The following ASIC2 variants were observed in gnomAD, a reference collection of about 807,000 sequenced individuals.
ASIC2 encodes the protein acid sensing ion channel subunit 2, also known as acid-sensing ion channel 2.
ASIC2 carries 25 observed loss-of-function variants against 57.3 expected under a neutral mutation model. That is an observed-to-expected ratio of 0.44 (90% CI 0.32 to 0.61). The LOEUF (loss-of-function observed/expected upper bound fraction) is 0.61. Among genes scored for constraint, ASIC2 ranks in the 20% least tolerant of loss-of-function variants. The pLI, the probability that ASIC2 is intolerant of heterozygous loss-of-function variation, is 0.06. For missense variants in ASIC2, 641 were observed against 738.1 expected (o/e 0.87, Z 1.52); for synonymous variants, 319 against 307.5 (o/e 1.04, Z -0.39).
intron 1 of ASIC2, among the ~76,000 whole-genome samples, chr17:33,143,091 G>A (rs78223537): frequency 1.3e-5 from 2 of 152,232 alleles, no homozygotes; most frequent in African/African-American, 4.8e-5. Flanking sequence ...CCTGTTGCAT[G>A]TGACTCCAAA....
intron 1 of ASIC2, among the ~76,000 whole-genome samples, chr17:34,022,103 G>C (rs1272388015): frequency 6.6e-6 from 1 of 152,100 alleles, no homozygotes; most frequent in Non-Finnish European, 1.5e-5. Flanking sequence ...TTCCAAAGTG[G>C]GGGGTTGGTA....
At chr17:33,134,988 G>A (rs1377440291) in intron 1 of ASIC2, among the ~76,000 whole-genome samples, 1 of 152,154 alleles carries the variant, frequency 6.6e-6, no homozygotes, top group Non-Finnish European at 1.5e-5. Flanking sequence ...GAGGTGAGAG[G>A]GGGTCTTTGA....
At chr17:33,383,340 C>T (rs1232418391) in intron 1 of ASIC2, among the ~76,000 whole-genome samples, 1 of 152,142 alleles carries the variant, frequency 6.6e-6, no homozygotes, top group East Asian at 1.9e-4. Flanking sequence ...GAAAACCATG[C>T]CTTGTCTTCT....
At chr17:33,214,124 T>A (rs1907383914) in intron 1 of ASIC2, among the ~76,000 whole-genome samples, 3 of 152,174 alleles carry the variant, frequency 2.0e-5, no homozygotes, top group African/African-American at 7.2e-5. Context: ...GGGACCTAAA[T>A]GGCAAAAAGC....
chr17:33,508,056 C>A (rs1439264437), intron 1 of ASIC2, among the ~76,000 whole-genome samples: 1 of 152,092 alleles, frequency 6.6e-6, no homozygotes, highest in Non-Finnish European at 1.5e-5. Context: ...CCTCCTCTAC[C>A]TTTTGCCCCA....
At chr17:33,290,278 A>C (rs927336082) in intron 1 of ASIC2, among the ~76,000 whole-genome samples, 2 of 152,182 alleles carry the variant, frequency 1.3e-5, no homozygotes, top group Non-Finnish European at 2.9e-5. Flanking sequence ...TTACCATCCC[A>C]AAAAAAGCTT....
chr17:33,707,983 C>T (rs1908912462), intron 1 of ASIC2, among the ~76,000 whole-genome samples: 1 of 152,162 alleles, frequency 6.6e-6, no homozygotes, highest in Non-Finnish European at 1.5e-5. Context: ...CAGTAATCTG[C>T]ACCTCCCACT....
chr17:33,343,123 A>G (rs1407973715), intron 1 of ASIC2, among the ~76,000 whole-genome samples: 2 of 152,184 alleles, frequency 1.3e-5, no homozygotes, highest in Admixed American at 1.3e-4. Context: ...GAGAGAGGCA[A>G]AGCAGACAAA....
intron 1 of ASIC2, among the ~76,000 whole-genome samples, chr17:33,346,264 A>C (rs1021524367): frequency 2.4e-4 from 35 of 148,528 alleles, no homozygotes; most frequent in Admixed American, 4.0e-4. Flanking sequence ...AGAGAGAGAG[A>C]GAAAAGGAAC....
At chr17:33,224,861 G>A (rs908766179) in intron 1 of ASIC2, among the ~76,000 whole-genome samples, 1 of 152,216 alleles carries the variant, frequency 6.6e-6, no homozygotes, top group Non-Finnish European at 1.5e-5. Flanking sequence ...GGTGGGCAAA[G>A]CTATAAGTAT....
chr17:33,938,895 T>C (rs1322706791), intron 1 of ASIC2, among the ~76,000 whole-genome samples: 1 of 152,234 alleles, frequency 6.6e-6, no homozygotes, highest in Non-Finnish European at 1.5e-5. Flanking sequence ...CCATCCCTGC[T>C]GGAAAGTGCC....
intron 1 of ASIC2, among the ~76,000 whole-genome samples, chr17:33,420,987 GT>G (rs577187911): frequency 6.0e-4 from 92 of 152,312 alleles, no homozygotes; most frequent in African/African-American, 2.1e-3. Context: ...CTAGTTCTTG[GT>G]TTAGTGAAGT....
chr17:33,723,752 T>C (rs908098767), intron 1 of ASIC2, among the ~76,000 whole-genome samples: 5 of 152,208 alleles, frequency 3.3e-5, no homozygotes, highest in Non-Finnish European at 7.3e-5. Flanking sequence ...GAGAGCTTTG[T>C]GGATGATGGA....
At chr17:33,791,381 G>A (rs1911766206) in intron 1 of ASIC2, among the ~76,000 whole-genome samples, 1 of 152,186 alleles carries the variant, frequency 6.6e-6, no homozygotes, top group Non-Finnish European at 1.5e-5. Context: ...TAGGCTATCA[G>A]GTTGGTAATG....
In ASIC2 at chr17:34,014,894, A is replaced by ATT. The variant is rs71942466; in HGVS notation, c.555+141082_555+141083dup. Among the ~76,000 whole-genome samples, 1,244 of 146,732 alleles carry ATT rather than the reference A, an allele frequency of 8.5e-3. 8 individuals are homozygous for ATT. Among genetic ancestry groups the ATT allele is most frequent in the East Asian group, 0.03 (148 of 4,988 alleles). ...ATCCTCTTGGAAATAATATCGCTGC[A>ATT]TTTTTTTTTTTTCTGAGTCTTGCTC... On this transcript the variant is annotated intron_variant, in intron 1 of 9. Transcript: ENST00000359872.
intron 1 of ASIC2, among the ~76,000 whole-genome samples, chr17:33,447,834 A>T (rs1424490819): frequency 6.6e-6 from 1 of 151,226 alleles, no homozygotes; most frequent in African/African-American, 2.4e-5. Context: ...ACTTCAAAAT[A>T]GCTAGAAGAG....
chr17:33,785,101 G>A (rs528117340), intron 1 of ASIC2, among the ~76,000 whole-genome samples: 77 of 151,542 alleles, frequency 5.1e-4, no homozygotes, highest in Non-Finnish European at 7.7e-4. Flanking sequence ...AGTAATCAAG[G>A]TTAAAAAAAA....
intron 1 of ASIC2, among the ~76,000 whole-genome samples, chr17:33,454,668 A>G (rs918901263): frequency 1.3e-5 from 2 of 152,136 alleles, no homozygotes; most frequent in African/African-American, 4.8e-5. Context: ...ATAACAACAT[A>G]CCTTAGGCTG....
At chr17:33,426,170 C>T (rs1418043907) in intron 1 of ASIC2, among the ~76,000 whole-genome samples, 1 of 152,144 alleles carries the variant, frequency 6.6e-6, no homozygotes, top group Admixed American at 6.5e-5. Context: ...GCTGGACATG[C>T]TCTGAGAGCA....
Sources: allele counts gnomAD v4.1 joint callset (sites outside exome capture counted in the v4.1 genomes callset), GRCh38; gene constraint gnomAD v4.1.1; transcripts MANE v1.5; gene names NCBI Gene and HGNC (gene_info 2026-07-23, HGNC 2026-07-21).